GSDME: variants seen among roughly 807,000 people sequenced by gnomAD.
The protein encoded by GSDME is gasdermin-E.
Under a neutral mutation model 47.5 loss-of-function variants are expected in GSDME, and 44 were observed. That is an observed-to-expected ratio of 0.93 (90% CI 0.73 to 1.19). The LOEUF (loss-of-function observed/expected upper bound fraction) is 1.19, where lower values mean the gene tolerates loss of function less well. GSDME is among the 50% of genes most tolerant of loss of function. The pLI is 0.00. For missense variants in GSDME, 663 were observed against 604.2 expected, an observed-to-expected ratio of 1.10 and a Z score of -1.02; for synonymous variants, 258 against 252.8, an observed-to-expected ratio of 1.02 and a Z score of -0.20.
chr7:24,785,155 C>G, the GSDME span, among the ~76,000 whole-genome samples: 2 of 152,120 alleles, frequency 1.3e-5, no homozygotes, highest in Non-Finnish European at 2.9e-5. Flanking sequence ...AACACAGCTA[C>G]GCCCATTCAT....
Position 24,742,834 on chromosome 7 carries a change from A to T in GSDME, c.404+1728T>A, listed in dbSNP as rs1225603644. Among the ~76,000 whole-genome samples, 1 of 152,212 alleles carries T rather than the reference A, an allele frequency of 6.6e-6. No homozygotes were observed. The highest frequency in any genetic ancestry group is 6.5e-5 in the Admixed American group (1 of 15,284). On this transcript the variant is annotated intron_variant, in intron 3 of 9. Transcript: ENST00000645220. The surrounding 1 kb of genome is among the most constrained non-coding windows in gnomAD (Gnocchi z 4.4). ...CCCAGTTAAATTTTCATTTCAGATA[A>T]ATATCAAATACATTTCTAGTGTGTC...
chr7:24,703,275 C>G (rs1260717410), intron 8 of GSDME: 2 of 319,210 alleles, frequency 6.3e-6, no homozygotes, highest in Non-Finnish European at 1.2e-5. Flanking sequence ...TGTCAGAATA[C>G]TGTGTAAACT....
rs188695898 is a variant in GSDME at position 24,733,936 on chromosome 7, T to C, written c.404+10626A>G. Among the ~76,000 whole-genome samples, 2 of 152,266 alleles carry C rather than the reference T, an allele frequency of 1.3e-5. No individual in the cohort carries two copies. Among genetic ancestry groups the C allele is most frequent in the Admixed American group, 6.5e-5 (1 of 15,302 alleles). Reference sequence around the variant, plus strand: ...ACAGCCCTAGGGCCTTGAGCAAACATAGGCAGTAGCCAGGTAGTGGTTACA... The same window carrying C: ...ACAGCCCTAGGGCCTTGAGCAAACACAGGCAGTAGCCAGGTAGTGGTTACA... On this transcript the variant is annotated intron_variant, in intron 3 of 9. Coordinates refer to ENST00000645220, the MANE Select transcript of GSDME (RefSeq NM_001127453.2). The surrounding 1 kb of genome is among the most constrained non-coding windows in gnomAD (Gnocchi z 4.3).
chr7:24,708,679 G>A (rs754917743), intron 6 of GSDME, among the ~76,000 whole-genome samples: 9 of 152,230 alleles, frequency 5.9e-5, no homozygotes, highest in South Asian at 2.1e-4. Flanking sequence ...TATTTTTCAC[G>A]TCCTTTCTTG....
chr7:24,707,877 A>G (rs1017528413), intron 7 of GSDME: 16 of 482,560 alleles, frequency 3.3e-5, no homozygotes, highest in Non-Finnish European at 5.3e-5. Context: ...CTCCAAAACT[A>G]TGAGAGAATA....
chr7:24,710,475 G>A, intron 5 of GSDME, 87 bp from the exon 6 acceptor site: 1 of 1,313,902 alleles, frequency 7.6e-7, no homozygotes. Context: ...CAGCCTTGAT[G>A]GCACATCTTA....
chr7:24,757,565 G>A (rs1791083073), upstream of GSDME: 2 of 151,632 alleles, frequency 1.3e-5, no homozygotes, highest in Admixed American at 1.3e-4. The surrounding 1 kb of genome is among the most constrained non-coding windows in gnomAD (Gnocchi z 5.9). Context: ...ACTGGCCGCC[G>A]GAGGCTGCGG....
the GSDME span, among the ~76,000 whole-genome samples, chr7:24,768,488 T>G: frequency 6.6e-6 from 1 of 152,194 alleles, no homozygotes; most frequent in Non-Finnish European, 1.5e-5. This position sits in a 1 kb window ranked among gnomAD's most constrained non-coding sequence, Gnocchi z 5.6. Flanking sequence ...GTTTTCCCCC[T>G]TCTTGCCCTA....
intron 1 of GSDME, among the ~76,000 whole-genome samples, chr7:24,750,496 C>G (rs576304455): frequency 2.0e-5 from 3 of 152,078 alleles, no homozygotes; most frequent in Non-Finnish European, 4.4e-5. Flanking sequence ...AGCTGTAGTC[C>G]CAGCTACTTG....
At position 24,725,491 on chromosome 7, in the gene GSDME, G is replaced by T. The variant is rs879352723; in HGVS notation, c.405-6273C>A. The stretch of plus-strand genomic sequence containing the variant: ...ACAAGGAAGGGGTTTATTCGGCCGG[G>T]AGCGTCGGCAAGACTCCTGTCTCAA... On this transcript the variant is annotated intron_variant, in intron 3 of 9. Coordinates refer to ENST00000645220, the MANE Select transcript of GSDME (RefSeq NM_001127453.2). This position sits in a 1 kb window ranked among gnomAD's most constrained non-coding sequence, Gnocchi z 5.1. Among the ~76,000 whole-genome samples the T allele has an allele frequency of 6.6e-5, 10 of 152,148 alleles. No homozygotes were observed. The highest frequency in any genetic ancestry group is 1.2e-4 in the Non-Finnish European group (8 of 68,022).
At chr7:24,776,376 T>C in the GSDME span, among the ~76,000 whole-genome samples, 1 of 152,082 alleles carries the variant, frequency 6.6e-6, no homozygotes, top group Non-Finnish European at 1.5e-5. Context: ...TGTCACTTGT[T>C]TTAACTTTTT....
rs2721796 is a variant in GSDME at position 24,732,790 on chromosome 7, C to T, written c.404+11772G>A. The stretch of plus-strand genomic sequence containing the variant: ...CCTGAGTTTTGGCAAGCCTCGCCAC[C>T]ATGGGCTAAAGTGCTTTGGTGTTCT... On this transcript the variant is annotated intron_variant, in intron 3 of 9. Coordinates refer to ENST00000645220, the MANE Select transcript of GSDME (RefSeq NM_001127453.2). The surrounding 1 kb of genome is among the most constrained non-coding windows in gnomAD (Gnocchi z 4.8). Among the ~76,000 whole-genome samples, 27,172 of 152,152 alleles carry T rather than the reference C, an allele frequency of 0.18. 2,440 individuals carry two copies. The highest frequency in any genetic ancestry group is 0.19 in the African/African-American group (8,068 of 41,498).
rs1309632441 is a variant in GSDME at position 24,733,653 on chromosome 7, G to A, written c.404+10909C>T. ...GTGGTGGCCTGGCAGTGCTCCTTGT[G>A]GGCCTGTAGTGCTGGTGGACATGGG... On this transcript the variant is annotated intron_variant, in intron 3 of 9. Coordinates refer to ENST00000645220, the MANE Select transcript of GSDME (RefSeq NM_001127453.2). This position sits in a 1 kb window ranked among gnomAD's most constrained non-coding sequence, Gnocchi z 4.3. Among the ~76,000 whole-genome samples, 2 of 152,150 alleles carry A rather than the reference G, an allele frequency of 1.3e-5. No individual in the cohort carries two copies. The highest frequency in any genetic ancestry group is 1.3e-4 in the Admixed American group (2 of 15,276).
At chr7:24,782,756 A>G in the GSDME span, among the ~76,000 whole-genome samples, 3 of 152,202 alleles carry the variant, frequency 2.0e-5, no homozygotes, top group African/African-American at 7.2e-5. Context: ...AATGATTGCC[A>G]TTCTAACTGG....
chr7:24,708,906 T>TTTTG (rs955428330), intron 6 of GSDME, among the ~76,000 whole-genome samples: 10 of 152,218 alleles, frequency 6.6e-5, no homozygotes, highest in South Asian at 2.1e-4. Flanking sequence ...TTTTTGGTTT[T>TTTTG]TTTGTTTGTT....
At chr7:24,792,603 TAATAG>T in the GSDME span, among the ~76,000 whole-genome samples, 2 of 152,070 alleles carry the variant, frequency 1.3e-5, no homozygotes, top group African/African-American at 2.4e-5. Flanking sequence ...GAAGAAAGAG[TAATAG>T]AATAGATGAA....
chr7:24,748,168 A>T (rs7801668), intron 2 of GSDME, among the ~76,000 whole-genome samples: 69,254 of 117,238 alleles, frequency 0.59, 19,127 homozygotes, highest in African/African-American at 0.79. Flanking sequence ...ATATATATAT[A>T]TTTTTTTTTG....
At chr7:24,702,907 A>C (rs1406432216) in intron 8 of GSDME, 74 bp from the exon 9 acceptor site, 1 of 1,293,510 alleles carries the variant, frequency 7.7e-7, no homozygotes, top group Non-Finnish European at 1.1e-6. Context: ...CCTGGATGGC[A>C]CCTAACTTAT....
At chr7:24,708,004 GA>G in intron 7 of GSDME, 122 bp downstream of exon 7, 1 of 1,280,478 alleles carries the variant, frequency 7.8e-7, no homozygotes, top group Non-Finnish European at 1.1e-6. Context: ...CCAAGAGTCA[GA>G]AAAGAGACAG....
Sources: allele counts gnomAD v4.1 joint callset (sites outside exome capture counted in the v4.1 genomes callset), GRCh38; gene constraint gnomAD v4.1.1; non-coding constraint Gnocchi (gnomAD v3.1); transcripts MANE v1.5; gene names NCBI Gene and HGNC (gene_info 2026-07-23, HGNC 2026-07-21).